Variants in TNS3 observed in about 807,000 individuals in gnomAD.
TNS3 encodes tensin 3, also known as tensin-3.
Under a neutral mutation model 140.9 loss-of-function variants are expected in TNS3, and 45 were observed. That is an observed-to-expected ratio of 0.32 (90% CI 0.25 to 0.41). TNS3 has a LOEUF of 0.41. TNS3 is among the 10% of genes least tolerant of loss of function. The pLI, the probability that TNS3 is intolerant of heterozygous loss-of-function variation, is 1.00. For missense variants in TNS3, 1,716 were observed against 1,906.7 expected (o/e 0.90, Z 1.86); for synonymous variants, 815 against 788.4 (o/e 1.03, Z -0.56).
chr7:47,504,484 G>A (rs930820624), intron 3 of TNS3, among the ~76,000 whole-genome samples: 2 of 152,212 alleles, frequency 1.3e-5, no homozygotes, highest in Non-Finnish European at 2.9e-5. Flanking sequence ...CATCGAGGGG[G>A]TTTAACACAG....
intron 4 of TNS3, chr7:47,453,354 G>T: frequency 2.9e-6 from 2 of 681,892 alleles, no homozygotes; most frequent in African/African-American, 1.9e-5. Flanking sequence ...AGGGAGAACC[G>T]CCTCTCAAAA....
At chr7:47,582,289 C>T (rs1225144530), upstream of TNS3, 5 of 371,868 alleles carry the variant, frequency 1.3e-5, no homozygotes, top group Admixed American at 6.4e-5. Context: ...CACCGGGGTC[C>T]CCCGCCCTGC....
At chr7:47,562,774 G>A (rs1260322744) in intron 1 of TNS3, among the ~76,000 whole-genome samples, 1 of 152,186 alleles carries the variant, frequency 6.6e-6, no homozygotes, top group Non-Finnish European at 1.5e-5. Flanking sequence ...GTATGGCAGT[G>A]GAATTCTTTT....
intron 30 of TNS3, chr7:47,279,886 G>T (rs2150530819): frequency 2.0e-6 from 1 of 500,986 alleles, no homozygotes; most frequent in Middle Eastern, 5.6e-4. Flanking sequence ...TTCCCAAATG[G>T]CCAAAAAGGC....
In TNS3 at chr7:47,303,092, C is replaced by T. The variant is rs202073996; in HGVS notation, c.3315G>A (p.Ser1105=). 99 of 1,613,998 alleles carry T rather than the reference C, an allele frequency of 6.1e-5. No homozygotes were observed. The highest frequency in any genetic ancestry group is 1.2e-4 in the African/African-American group (9 of 74,960). ...QPPLPEKKRA[S]EGDRSLGSVS... is the part of the protein sequence containing the mutation. Reference sequence around the variant, plus strand: ...CTGAGCCCAAAGAACGATCCCCCTCCGAGGCCCGCTTCTTCTCAGGGAGGG... The same window carrying T: ...CTGAGCCCAAAGAACGATCCCCCTCTGAGGCCCGCTTCTTCTCAGGGAGGG... The change falls in exon 22 of 31, where the codon TCG becomes TCA. Residue 1105 remains serine (S), a synonymous_variant. Transcript: ENST00000311160.
intron 28 of TNS3, 119 bp from the exon 29 acceptor site, chr7:47,280,473 T>C (rs1377994748): frequency 1.1e-6 from 1 of 917,956 alleles, no homozygotes; most frequent in Non-Finnish European, 1.8e-6. Context: ...CATTTCATAC[T>C]TTTACTCATC....
chr7:47,342,149 G>A (rs761758548), intron 20 of TNS3, among the ~76,000 whole-genome samples: 1 of 152,064 alleles, frequency 6.6e-6, no homozygotes, highest in Non-Finnish European at 1.5e-5. Context: ...AAGGCCTACC[G>A]GGTCCCTTGG....
chr7:47,450,993 G>C (rs1222811429), intron 4 of TNS3, among the ~76,000 whole-genome samples: 1 of 152,216 alleles, frequency 6.6e-6, no homozygotes, highest in Non-Finnish European at 1.5e-5. Flanking sequence ...AATTAGCCAG[G>C]TGTGGTGGCA....
At chr7:47,520,260 C>T (rs1017282094) in intron 2 of TNS3, among the ~76,000 whole-genome samples, 3 of 152,232 alleles carry the variant, frequency 2.0e-5, no homozygotes, top group Middle Eastern at 3.4e-3. Context: ...CTTGGCCTTG[C>T]CCCCCTGCCA....
chr7:47,370,595 C>A (rs1434208568), intron 16 of TNS3, among the ~76,000 whole-genome samples: 1 of 152,248 alleles, frequency 6.6e-6, no homozygotes, highest in African/African-American at 2.4e-5. Flanking sequence ...AATCTGCTGA[C>A]TGGCCAATTG....
chr7:47,326,412 G>A lies in TNS3; in HGVS notation c.2650+18343C>T, dbSNP rs371809782. 7.3e-4 allele frequency among the ~76,000 whole-genome samples: 111 copies of A among 152,252 alleles called. 1 individual carries two copies. Among genetic ancestry groups the A allele is most frequent in the African/African-American group, 2.5e-3 (105 of 41,542 alleles). On this transcript the variant is annotated intron_variant, in intron 20 of 30. Transcript: ENST00000311160. ...CCACCAGCAGGGTCTGAGTCAGAAC[G>A]CAGAATGTAATACAATTACTCTGCC...
intron 3 of TNS3, chr7:47,481,530 G>A (rs1391308031): frequency 3.0e-5 from 12 of 403,006 alleles, no homozygotes; most frequent in Admixed American, 1.3e-4. Flanking sequence ...TCTGCCTGGT[G>A]GTCTTCAAGA....
intron 8 of TNS3, among the ~76,000 whole-genome samples, chr7:47,428,650 G>C (rs1036083404): frequency 1.3e-5 from 2 of 152,216 alleles, no homozygotes; most frequent in Non-Finnish European, 1.5e-5. Flanking sequence ...CACAGCAGCT[G>C]CCTGTCATTT....
rs58992722 is a variant in TNS3 at position 47,505,717 on chromosome 7, TTGTGTGTG to T, written c.-115+1182_-115+1189del. On this transcript the variant is annotated intron_variant, in intron 3 of 30. Coordinates refer to ENST00000311160, the MANE Select transcript of TNS3 (RefSeq NM_022748.12). Reference sequence around the variant, plus strand: ...CTATACTAGTCTAGTTCTTCCAACTTTGTGTGTGTGTGTGTGTGTGTGTATTTCTGTGC... The same window carrying T: ...CTATACTAGTCTAGTTCTTCCAACTTTGTGTGTGTGTGTGTATTTCTGTGC... Among the ~76,000 whole-genome samples the T allele has an allele frequency of 3.2e-3, 475 of 150,128 alleles. 4 individuals are homozygous for T. Among genetic ancestry groups the T allele is most frequent in the Middle Eastern group, 0.01 (3 of 290 alleles).
At chr7:47,388,921 G>GGGAGAA (rs1400481930) in intron 16 of TNS3, among the ~76,000 whole-genome samples, 1 of 149,458 alleles carries the variant, frequency 6.7e-6, no homozygotes, top group Non-Finnish European at 1.5e-5. Flanking sequence ...GAGAGGGAGA[G>GGGAGAA]GGAGGAGAAG....
chr7:47,480,988 G>T, intron 4 of TNS3, 115 bp downstream of exon 4: 1 of 692,412 alleles, frequency 1.4e-6, no homozygotes, highest in Non-Finnish European at 2.2e-6. Flanking sequence ...AGGTCAAAGG[G>T]AGGGCATGGA....
At chr7:47,390,585 AGGCCTGGCAATGCCAC>A (rs1792455104) in intron 16 of TNS3, among the ~76,000 whole-genome samples, 1 of 152,220 alleles carries the variant, frequency 6.6e-6, no homozygotes, top group African/African-American at 2.4e-5. Context: ...GGCAGAGCCC[AGGCCTGGCAATGCCAC>A]GGCCCTCGTC....
intron 8 of TNS3, 95 bp downstream of exon 8, chr7:47,435,187 A>G (rs1795117123): frequency 1.3e-6 from 2 of 1,530,780 alleles, no homozygotes; most frequent in African/African-American, 2.8e-5. Flanking sequence ...ACCAGCTCAA[A>G]GCGGAAATGT....
At chr7:47,392,521 G>C (rs1227004166) in intron 16 of TNS3, among the ~76,000 whole-genome samples, 1 of 152,130 alleles carries the variant, frequency 6.6e-6, no homozygotes, top group Non-Finnish European at 1.5e-5. Context: ...AAAAGAGAGT[G>C]CCGCAATACA....
Sources: gnomAD v4.1 joint callset for allele counts (sites outside exome capture counted in the v4.1 genomes callset) on GRCh38, gnomAD v4.1.1 for gene constraint, MANE v1.5 for transcripts, NCBI Gene and HGNC (gene_info 2026-07-23, HGNC 2026-07-21) for gene names.